Variants in CREB5 observed in about 807,000 individuals in gnomAD.
CREB5 encodes cAMP responsive element binding protein 5, also known as cyclic AMP-responsive element-binding protein 5.
In CREB5, 19 loss-of-function variants were observed where a neutral mutation model predicts 57.1. The observed-to-expected ratio is 0.33, with a 90% confidence interval of 0.23 to 0.49. The LOEUF (loss-of-function observed/expected upper bound fraction) is 0.49. Among genes scored for constraint, CREB5 ranks in the 20% least tolerant of loss-of-function variants. CREB5 has a pLI of 0.99. For synonymous variants in CREB5, 238 were observed against 238.3 expected (o/e 1.00, Z 0.01); for missense variants, 579 against 671.6 (o/e 0.86, Z 1.52).
At chr7:28,493,134 A>C (rs963545480) in intron 2 of CREB5, among the ~76,000 whole-genome samples, 4 of 152,242 alleles carry the variant, frequency 2.6e-5, no homozygotes, top group African/African-American at 9.6e-5. Flanking sequence ...CATGAATACA[A>C]ATCCATGCCA....
chr7:28,485,082 T>G (rs1791497302), intron 1 of CREB5, among the ~76,000 whole-genome samples: 1 of 152,204 alleles, frequency 6.6e-6, no homozygotes, highest in Non-Finnish European at 1.5e-5. Context: ...ATGTCAGTAC[T>G]TTGGTAGGCC....
At chr7:28,660,528 A>T (rs1444214478) in intron 5 of CREB5, among the ~76,000 whole-genome samples, 2 of 152,040 alleles carry the variant, frequency 1.3e-5, no homozygotes, top group East Asian at 3.9e-4. Flanking sequence ...ATAATCACTC[A>T]AACAAATGGA....
intron 1 of CREB5, among the ~76,000 whole-genome samples, chr7:28,385,607 G>A (rs1056702683): frequency 6.6e-5 from 10 of 151,698 alleles, no homozygotes; most frequent in South Asian, 2.1e-4. Flanking sequence ...GCCTGGGGAG[G>A]TGGAGGCTGC....
intron 5 of CREB5, among the ~76,000 whole-genome samples, chr7:28,605,676 G>C (rs1487032633): frequency 6.6e-6 from 1 of 152,258 alleles, no homozygotes; most frequent in South Asian, 2.1e-4. Context: ...CTTGTTATCA[G>C]AGTTGAAGTT....
Position 28,307,868 on chromosome 7 carries a change from G to A in CREB5, c.-25+8427G>A, listed in dbSNP as rs183870068. Among the ~76,000 whole-genome samples, 25 of 152,378 alleles carry A rather than the reference G, an allele frequency of 1.6e-4. 1 individual carries two copies. In the East Asian group the frequency reaches 4.2e-3, roughly 26 times the overall value. The stretch of plus-strand genomic sequence containing the variant: ...CAAGGCTTTGAATGATTGATGTGAA[G>A]AAGAGCAGGGGCTACAGAAGCACAC... On this transcript the variant is annotated intron_variant, in intron 1 of 9. Transcript: ENST00000396299.
chr7:28,810,937 T>G (rs768794255), intron 9 of CREB5, among the ~76,000 whole-genome samples: 9 of 152,168 alleles, frequency 5.9e-5, no homozygotes, highest in Non-Finnish European at 1.2e-4. Context: ...TGTTCATTTT[T>G]CCCCCTAAAT....
At chr7:28,694,326 A>G (rs1225082066) in intron 5 of CREB5, among the ~76,000 whole-genome samples, 1 of 152,166 alleles carries the variant, frequency 6.6e-6, no homozygotes, top group Non-Finnish European at 1.5e-5. Flanking sequence ...TCTCACCAGC[A>G]TCCACCCTAA....
chr7:28,756,130 C>G (rs565213983), intron 7 of CREB5, among the ~76,000 whole-genome samples: 1 of 152,246 alleles, frequency 6.6e-6, no homozygotes, highest in East Asian at 1.9e-4. Flanking sequence ...TACCTACCTG[C>G]TGGAACTCAT....
At chr7:28,509,797 C>A (rs910102807) in intron 4 of CREB5, among the ~76,000 whole-genome samples, 3 of 152,176 alleles carry the variant, frequency 2.0e-5, no homozygotes, top group Non-Finnish European at 2.9e-5. Context: ...CCATGTGATG[C>A]TTTCATGATA....
At chr7:28,642,993 C>CACACACAT (rs1562544805) in intron 5 of CREB5, among the ~76,000 whole-genome samples, 8 of 101,732 alleles carry the variant, frequency 7.9e-5, no homozygotes, top group Admixed American at 2.0e-4. Context: ...CACATACACA[C>CACACACAT]ACACACACAC....
intron 5 of CREB5, among the ~76,000 whole-genome samples, chr7:28,688,910 C>G (rs1335548720): frequency 1.3e-5 from 2 of 152,022 alleles, no homozygotes; most frequent in South Asian, 2.1e-4. Context: ...GAATTGTTCA[C>G]TCATATTCAG....
chr7:28,344,484 C>G (rs1386997068), intron 1 of CREB5, among the ~76,000 whole-genome samples: 1 of 152,110 alleles, frequency 6.6e-6, no homozygotes, highest in Non-Finnish European at 1.5e-5. Context: ...TTTCTTGACT[C>G]TATTCTGTTC....
intron 7 of CREB5, among the ~76,000 whole-genome samples, chr7:28,796,936 C>A (rs1212010931): frequency 6.6e-6 from 1 of 152,166 alleles, no homozygotes; most frequent in Non-Finnish European, 1.5e-5. Flanking sequence ...TTAAAATGCT[C>A]ACCCTCCTGC....
intron 1 of CREB5, among the ~76,000 whole-genome samples, chr7:28,309,057 C>T (rs551218425): frequency 1.3e-5 from 2 of 152,240 alleles, no homozygotes; most frequent in East Asian, 1.9e-4. Flanking sequence ...GGACTCAAAC[C>T]GGAATATTAG....
chr7:28,526,685 C>T (rs955117804), intron 4 of CREB5, among the ~76,000 whole-genome samples: 4 of 152,218 alleles, frequency 2.6e-5, no homozygotes, highest in Admixed American at 6.5e-5. Context: ...CTGGAAAAAG[C>T]AGGCTGTGCA....
intron 5 of CREB5, among the ~76,000 whole-genome samples, chr7:28,683,153 C>T (rs1186937223): frequency 6.6e-6 from 1 of 152,152 alleles, no homozygotes; most frequent in Non-Finnish European, 1.5e-5. Context: ...TCTACGAAGC[C>T]CCCCTTCTTC....
At chr7:28,489,613 T>G (rs908680101) in intron 2 of CREB5, among the ~76,000 whole-genome samples, 1 of 152,142 alleles carries the variant, frequency 6.6e-6, no homozygotes, top group African/African-American at 2.4e-5. Context: ...ACCCTTCTTA[T>G]TAACTTCCCT....
intron 5 of CREB5, among the ~76,000 whole-genome samples, chr7:28,600,380 G>A (rs923336359): frequency 1.3e-4 from 1 of 7,596 alleles, no homozygotes; most frequent in East Asian, 7.8e-4. Context: ...GCCTCACGAA[G>A]CTCAGTGAAC....
chr7:28,695,627 T>C lies in CREB5; in HGVS notation c.465-23126T>C, dbSNP rs17150598. The stretch of plus-strand genomic sequence containing the variant: ...CCAGAAGTTGTGGGCCCTAATAGCA[T>C]TGGGGTAAATGTCCTGGAGTCCAGC... On this transcript the variant is annotated intron_variant, in intron 5 of 10. Transcript: ENST00000357727. Among the ~76,000 whole-genome samples, 1,260 of 152,188 alleles carry C rather than the reference T, an allele frequency of 8.3e-3. 28 individuals carry two copies. The South Asian group carries it at 0.084, about 10-fold the overall frequency.
Sources: allele counts gnomAD v4.1 joint callset (sites outside exome capture counted in the v4.1 genomes callset), GRCh38; gene constraint gnomAD v4.1.1; transcripts MANE v1.5; gene names NCBI Gene and HGNC (gene_info 2026-07-23, HGNC 2026-07-21).